The following CDH18 variants were observed in gnomAD, a reference collection of about 807,000 sequenced individuals.
CDH18 encodes the protein cadherin 18, also known as cadherin-18.
Under a neutral mutation model 67.9 loss-of-function variants are expected in CDH18, and 31 were observed. The ratio of observed to expected loss-of-function variants is 0.46; its 90% CI spans 0.34 to 0.62. The LOEUF (loss-of-function observed/expected upper bound fraction) is 0.62, where lower values mean the gene tolerates loss of function less well. Among genes scored for constraint, CDH18 ranks in the 20% least tolerant of loss-of-function variants. CDH18 has a pLI of 0.01. For missense variants in CDH18, 890 were observed against 975.5 expected, an observed-to-expected ratio of 0.91 and a Z score of 1.17; for synonymous variants, 362 against 347.2, an observed-to-expected ratio of 1.04 and a Z score of -0.48.
At chr5:20,093,980 G>A (rs1745665193) in intron 2 of CDH18, among the ~76,000 whole-genome samples, 1 of 152,110 alleles carries the variant, frequency 6.6e-6, no homozygotes, top group South Asian at 2.1e-4. Flanking sequence ...AGAGCCTAAG[G>A]AGGTAAGAAG....
chr5:20,037,782 C>T (rs929844059), intron 2 of CDH18, among the ~76,000 whole-genome samples: 1 of 152,014 alleles, frequency 6.6e-6, no homozygotes, highest in Non-Finnish European at 1.5e-5. Flanking sequence ...CCCAGCATCA[C>T]AATGCAAAGA....
At chr5:20,055,167 G>T (rs564137402) in intron 2 of CDH18, among the ~76,000 whole-genome samples, 3 of 151,892 alleles carry the variant, frequency 2.0e-5, no homozygotes, top group East Asian at 1.9e-4. Flanking sequence ...AATATATGAG[G>T]GTATAATCTT....
intron 1 of CDH18, among the ~76,000 whole-genome samples, chr5:20,527,321 G>A (rs1248772396): frequency 5.9e-5 from 9 of 152,018 alleles, no homozygotes; most frequent in Admixed American, 3.9e-4. Flanking sequence ...AAATGGAACC[G>A]AGATGGAAAA....
At chr5:20,287,582 G>A (rs1183849061) in intron 1 of CDH18, among the ~76,000 whole-genome samples, 1 of 151,646 alleles carries the variant, frequency 6.6e-6, no homozygotes, top group African/African-American at 2.4e-5. Context: ...GAATTTTGCT[G>A]AGGTTTAAAA....
At chr5:20,474,972 C>A (rs1369955515) in intron 1 of CDH18, among the ~76,000 whole-genome samples, 1 of 152,078 alleles carries the variant, frequency 6.6e-6, no homozygotes, top group East Asian at 1.9e-4. Flanking sequence ...CATAACTTCC[C>A]AGTATATTTG....
intron 9 of CDH18, among the ~76,000 whole-genome samples, chr5:19,542,019 T>C (rs115436635): frequency 0.019 from 2,824 of 152,318 alleles, 76 homozygotes; most frequent in African/African-American, 0.065. Flanking sequence ...ACAATTGAAC[T>C]CACTCATGGA....
intron 11 of CDH18, among the ~76,000 whole-genome samples, chr5:19,494,410 C>T (rs772241329): frequency 5.9e-5 from 9 of 152,142 alleles, no homozygotes; most frequent in Non-Finnish European, 1.2e-4. Context: ...GCCATAGTTT[C>T]ACCTATAATT....
intron 5 of CDH18, 86 bp from the exon 6 acceptor site, chr5:19,612,687 T>C (rs1749188640): frequency 9.9e-7 from 1 of 1,006,138 alleles, no homozygotes; most frequent in South Asian, 1.5e-5. Context: ...TTAAGAAATG[T>C]CTTTTAAAAT....
At chr5:19,693,891 GTCTGA>G (rs1398550764) in intron 5 of CDH18, among the ~76,000 whole-genome samples, 3 of 68,616 alleles carry the variant, frequency 4.4e-5, no homozygotes, top group East Asian at 4.9e-4. Flanking sequence ...GTGAGACTCT[GTCTGA>G]AAAAAAAAAA....
chr5:19,611,112 A>G (rs1748879833), intron 6 of CDH18, among the ~76,000 whole-genome samples: 1 of 152,176 alleles, frequency 6.6e-6, no homozygotes, highest in Non-Finnish European at 1.5e-5. Flanking sequence ...CTGAACACCT[A>G]AGTTCGCAAA....
At chr5:19,843,130 C>T (rs1782531152) in intron 2 of CDH18, among the ~76,000 whole-genome samples, 1 of 152,196 alleles carries the variant, frequency 6.6e-6, no homozygotes, top group Non-Finnish European at 1.5e-5. Flanking sequence ...AAATGTAATT[C>T]ACCAAGACAA....
intron 2 of CDH18, among the ~76,000 whole-genome samples, chr5:19,859,995 T>G (rs1484252726): frequency 3.3e-5 from 5 of 150,454 alleles, no homozygotes; most frequent in African/African-American, 1.2e-4. Flanking sequence ...TTTGGGTGTG[T>G]GTGTGTGTGT....
At chr5:20,333,023 C>T (rs1739321896) in intron 1 of CDH18, among the ~76,000 whole-genome samples, 2 of 150,312 alleles carry the variant, frequency 1.3e-5, no homozygotes, top group African/African-American at 2.5e-5. Context: ...GCAAACTCCA[C>T]ACTGATAAGG....
intron 2 of CDH18, among the ~76,000 whole-genome samples, chr5:19,930,814 A>G (rs1793609671): frequency 6.6e-6 from 1 of 152,052 alleles, no homozygotes; most frequent in Non-Finnish European, 1.5e-5. Flanking sequence ...TTCATTTACA[A>G]AGGAAGACAA....
At chr5:20,090,131 T>C (rs1334306642) in intron 2 of CDH18, among the ~76,000 whole-genome samples, 1 of 152,178 alleles carries the variant, frequency 6.6e-6, no homozygotes, top group Non-Finnish European at 1.5e-5. Context: ...GGATCTGTGA[T>C]AAAAATACAC....
At chr5:20,216,167 A>T (rs918746244) in intron 2 of CDH18, among the ~76,000 whole-genome samples, 1 of 151,922 alleles carries the variant, frequency 6.6e-6, no homozygotes, top group East Asian at 1.9e-4. Context: ...CATGAAAGAT[A>T]AATGATCAAA....
At chr5:20,553,684 G>T (rs1446828354) in intron 1 of CDH18, among the ~76,000 whole-genome samples, 1 of 152,088 alleles carries the variant, frequency 6.6e-6, no homozygotes, top group Non-Finnish European at 1.5e-5. Context: ...TGTAATTTTA[G>T]GGAAAACTAA....
chr5:20,044,174 TAAAAA>T (rs66616939), intron 2 of CDH18, among the ~76,000 whole-genome samples: 2 of 150,858 alleles, frequency 1.3e-5, no homozygotes, highest in African/African-American at 4.9e-5. Context: ...ATTTAACTGT[TAAAAA>T]AAAAACAGAG....
intron 3 of CDH18, among the ~76,000 whole-genome samples, chr5:19,769,079 C>A (rs533413947): frequency 7.4e-4 from 113 of 151,780 alleles, no homozygotes; most frequent in African/African-American, 2.6e-3. Flanking sequence ...TACCACCAAG[C>A]CTAAGAACAT....
Sources: gnomAD v4.1 joint callset for allele counts (sites outside exome capture counted in the v4.1 genomes callset) on GRCh38, gnomAD v4.1.1 for gene constraint, MANE v1.5 for transcripts, NCBI Gene and HGNC (gene_info 2026-07-23, HGNC 2026-07-21) for gene names.